KCNN3: variants seen among roughly 807,000 people sequenced by gnomAD.
KCNN3 encodes potassium calcium-activated channel subfamily N member 3.
KCNN3 carries 16 observed loss-of-function variants against 62.9 expected under a neutral mutation model. The observed-to-expected ratio is 0.25, with a 90% confidence interval of 0.17 to 0.39. The LOEUF is 0.39. KCNN3 is among the 10% of genes least tolerant of loss of function. The pLI is 1.00. For missense variants in KCNN3, 599 were observed against 949.4 expected, an observed-to-expected ratio of 0.63 and a Z score of 4.85; for synonymous variants, 370 against 389.2, an observed-to-expected ratio of 0.95 and a Z score of 0.58.
At chr1:154,845,368 C>A (rs1011062517) in intron 1 of KCNN3, among the ~76,000 whole-genome samples, 12 of 152,202 alleles carry the variant, frequency 7.9e-5, no homozygotes, top group Non-Finnish European at 1.0e-4. Context: ...CTTAGCCTGG[C>A]TGCTCAGCCC....
At chr1:154,801,708 A>T (rs1649960539) in intron 2 of KCNN3, among the ~76,000 whole-genome samples, 1 of 152,322 alleles carries the variant, frequency 6.6e-6, no homozygotes, top group Non-Finnish European at 1.5e-5. Flanking sequence ...AGGAAGAGGC[A>T]AGATGGTGGA....
In KCNN3 at chr1:154,821,424, T is replaced by C. The variant is rs1395563; in HGVS notation, c.1029+665A>G. ...AAGATGCTTCAGATCTGTTCTCTCC[T>C]GTCTGACCCTCCTGGCCCGGGTTGA... On this transcript the variant is annotated intron_variant, in intron 2 of 7. Transcript: ENST00000271915. Among the ~76,000 whole-genome samples the C allele has an allele frequency of 6.2e-3, 949 of 152,326 alleles. 7 individuals carry two copies. The highest frequency in any genetic ancestry group is 0.022 in the African/African-American group (902 of 41,580).
At chr1:154,795,995 C>T (rs1649721682) in intron 2 of KCNN3, among the ~76,000 whole-genome samples, 1 of 152,186 alleles carries the variant, frequency 6.6e-6, no homozygotes, top group Admixed American at 6.5e-5. Context: ...CAGACAAGGA[C>T]AAGGTCCAGT....
intron 3 of KCNN3, among the ~76,000 whole-genome samples, chr1:154,754,547 C>T (rs1647539692): frequency 6.6e-6 from 1 of 152,176 alleles, no homozygotes; most frequent in South Asian, 2.1e-4. Context: ...TGTGTTACTT[C>T]GAGGAAATGT....
chr1:154,828,597 C>T (rs1403018135), intron 1 of KCNN3, among the ~76,000 whole-genome samples: 4 of 152,186 alleles, frequency 2.6e-5, no homozygotes, highest in African/African-American at 4.8e-5. Context: ...GACACTGGAT[C>T]GGTCCTTTAA....
intron 6 of KCNN3, among the ~76,000 whole-genome samples, chr1:154,714,331 T>TGTGTGTGG (rs1700169152): frequency 7.8e-5 from 2 of 25,496 alleles, no homozygotes; most frequent in South Asian, 1.2e-3. Context: ...TGTGTGTGTG[T>TGTGTGTGG]GGTGTTTGTG....
At position 154,698,569 on chromosome 1, in the gene KCNN3, G is replaced by A. The variant is rs1423497800; in HGVS notation, c.*9407C>T. 1.3e-5 allele frequency: 2 copies of A among 152,260 alleles called. No homozygotes were observed. The highest frequency in any genetic ancestry group is 6.5e-5 in the Admixed American group (1 of 15,278). 9.4% of individuals were successfully genotyped at this position (152,260 alleles called of 1,614,324 possible). ...TGGAAACCTGGCGACTCTTCCTGGA[G>A]CTCTAGGGACTTCTAACCAGAGCAA... On this transcript the variant is annotated 3_prime_UTR_variant, in exon 8 of 8. Transcript: ENST00000271915.
At chr1:154,813,126 T>C (rs1021017174) in intron 2 of KCNN3, among the ~76,000 whole-genome samples, 1 of 151,438 alleles carries the variant, frequency 6.6e-6, no homozygotes, top group Non-Finnish European at 1.5e-5. Context: ...CCAGACAAAC[T>C]GGCCCTGGCC....
At chr1:154,828,936 A>C (rs551157058) in intron 1 of KCNN3, among the ~76,000 whole-genome samples, 2 of 152,348 alleles carry the variant, frequency 1.3e-5, no homozygotes, top group African/African-American at 4.8e-5. Flanking sequence ...TCACTTGTGC[A>C]TTCATACAAC....
intron 3 of KCNN3, among the ~76,000 whole-genome samples, chr1:154,755,038 C>G (rs1488211908): frequency 6.6e-6 from 1 of 152,216 alleles, no homozygotes; most frequent in Non-Finnish European, 1.5e-5. Flanking sequence ...CCTTCTAAGT[C>G]ACTTTTGTCT....
intron 1 of KCNN3, among the ~76,000 whole-genome samples, chr1:154,860,449 G>A (rs911236365): frequency 2.6e-5 from 4 of 152,204 alleles, no homozygotes; most frequent in East Asian, 1.9e-4. Context: ...GTCCACACCC[G>A]GTTAGCTCTG....
At chr1:154,802,992 C>T (rs1185169833) in intron 2 of KCNN3, among the ~76,000 whole-genome samples, 4 of 152,196 alleles carry the variant, frequency 2.6e-5, no homozygotes, top group African/African-American at 9.6e-5. Flanking sequence ...TGCATGACAC[C>T]TTCCCACTCT....
rs1650229279 is a variant in KCNN3, at chr1:154,807,608, C to T, written c.1029+14481G>A. ...CTGCCTGGGGGAGAAGCTAAGTCCC[C>T]GAGGCTGCTGGAGAAGAGTGTATTT... On this transcript the variant is annotated intron_variant, in intron 2 of 7. Transcript: ENST00000271915. 3.3e-5 allele frequency among the ~76,000 whole-genome samples: 5 copies of T among 152,274 alleles called. No individual in the cohort carries two copies. In the South Asian group the frequency reaches 8.3e-4, roughly 25 times the overall value.
chr1:154,855,173 G>A (rs898021265), intron 1 of KCNN3, among the ~76,000 whole-genome samples: 13 of 152,088 alleles, frequency 8.5e-5, no homozygotes, highest in Admixed American at 2.6e-4. Flanking sequence ...AGCCGAGATC[G>A]TGCCACTGCA....
At chr1:154,866,723 A>T (rs1652968673) in intron 1 of KCNN3, among the ~76,000 whole-genome samples, 2 of 152,252 alleles carry the variant, frequency 1.3e-5, no homozygotes, top group East Asian at 3.8e-4. Flanking sequence ...CCGCTGAGGC[A>T]AGAAGGACCT....
intron 3 of KCNN3, among the ~76,000 whole-genome samples, chr1:154,751,674 C>T (rs772521606): frequency 7.2e-5 from 11 of 152,000 alleles, no homozygotes; most frequent in East Asian, 5.8e-4. Flanking sequence ...GTCTGTCTGT[C>T]CCCCTCCCCT....
chr1:154,808,873 G>A (rs1484949068), intron 2 of KCNN3, among the ~76,000 whole-genome samples: 1 of 152,224 alleles, frequency 6.6e-6, no homozygotes, highest in Non-Finnish European at 1.5e-5. Flanking sequence ...ATGCACAAGT[G>A]AGGGATCTGA....
At chr1:154,823,987 T>G (rs1478758057) in intron 1 of KCNN3, among the ~76,000 whole-genome samples, 1 of 152,222 alleles carries the variant, frequency 6.6e-6, no homozygotes, top group Non-Finnish European at 1.5e-5. Context: ...ATTGGTACAG[T>G]TCTTGAGGCC....
intron 2 of KCNN3, among the ~76,000 whole-genome samples, chr1:154,776,557 G>A (rs1421362218): frequency 6.6e-6 from 1 of 152,120 alleles, no homozygotes; most frequent in East Asian, 1.9e-4. Context: ...GCTGTCCCAC[G>A]TGAGGACACT....
Sources: allele counts gnomAD v4.1 joint callset (sites outside exome capture counted in the v4.1 genomes callset), GRCh38; gene constraint gnomAD v4.1.1; transcripts MANE v1.5; gene names NCBI Gene and HGNC (gene_info 2026-07-23, HGNC 2026-07-21).